ITGAL: variants seen among roughly 807,000 people sequenced by gnomAD.
ITGAL encodes the protein integrin alpha-L.
A neutral mutation model predicts 138.4 loss-of-function variants in ITGAL; 68 were observed. That is an observed-to-expected ratio of 0.49 (90% CI 0.40 to 0.60). The LOEUF is 0.60. Among genes scored for constraint, ITGAL ranks in the 20% least tolerant of loss-of-function variants. The pLI is 0.00. For missense variants in ITGAL, 1,256 were observed against 1,478.6 expected, an observed-to-expected ratio of 0.85 and a Z score of 2.47; for synonymous variants, 561 against 584.3, an observed-to-expected ratio of 0.96 and a Z score of 0.57.
intron 14 of ITGAL, 47 bp downstream of exon 14, chr16:30,496,341 AG>A: frequency 6.2e-7 from 1 of 1,605,504 alleles, no homozygotes; most frequent in East Asian, 2.2e-5. Context: ...AGGTGCCCTA[AG>A]CCCCCAAGCC....
intron 21 of ITGAL, among the ~76,000 whole-genome samples, chr16:30,507,666 A>T (rs2051024531): frequency 6.6e-6 from 1 of 151,426 alleles, no homozygotes; most frequent in Non-Finnish European, 1.5e-5. Flanking sequence ...AAAAAAATTT[A>T]AATAGAGAGA....
Position 30,494,405 on chromosome 16 carries a change from G to A in ITGAL, c.1365+42G>A, listed in dbSNP as rs1436906288. ...GGCATCTGCAGACCAGGGACTGGCG[G>A]GACACACATCACACTCCCTTCTGTC... is the stretch of plus-strand genomic sequence containing the variant. On this transcript the variant is annotated intron_variant, in intron 12 of 30. Transcript: ENST00000356798. The surrounding 1 kb of genome is among the most constrained non-coding windows in gnomAD (Gnocchi z 4.2). 3 of 1,557,698 alleles carry A rather than the reference G, an allele frequency of 1.9e-6. No homozygotes were observed. The highest frequency in any genetic ancestry group is 8.7e-7 in the Non-Finnish European group (1 of 1,144,892).
At chr16:30,513,436 G>A (rs1284916461) in intron 24 of ITGAL, among the ~76,000 whole-genome samples, 1 of 152,190 alleles carries the variant, frequency 6.6e-6, no homozygotes, top group African/African-American at 2.4e-5. Flanking sequence ...GGATGGGTGC[G>A]AGGGGCATCA....
chr16:30,488,927 G>T (rs551902444), intron 9 of ITGAL, 155 bp from the exon 10 acceptor site: 5 of 657,502 alleles, frequency 7.6e-6, no homozygotes, highest in South Asian at 5.2e-5. Context: ...AGCCAACTCC[G>T]CATTAAGCCA....
intron 3 of ITGAL, 37 bp from the exon 4 acceptor site, chr16:30,475,476 C>T: frequency 1.2e-6 from 2 of 1,603,738 alleles, no homozygotes; most frequent in Non-Finnish European, 8.5e-7. Context: ...ACCTAGACTG[C>T]CTGAGCTCCT....
Position 30,498,744 on chromosome 16 carries a change from A to AT in ITGAL, c.1833-327dup, listed in dbSNP as rs536145982. 8.6e-5 allele frequency: 18 copies of AT among 209,686 alleles called. No homozygotes were observed. The South Asian group carries it at 1.8e-3, about 21-fold the overall frequency. The allele number at this position is 209,686 out of a possible 1,614,324, so 13.0% of individuals were successfully genotyped here. On this transcript the variant is annotated intron_variant, in intron 15 of 30. Coordinates refer to ENST00000356798, the MANE Select transcript of ITGAL (RefSeq NM_002209.3). ...GAAGGTCCCTTCTCTACAAAAATTT[A>AT]TTTAAAGTTAGCCAGGTGTGGTGGC... is the stretch of plus-strand genomic sequence containing the variant.
rs1389156593 is a variant in ITGAL, at chr16:30,519,983, G to C, written c.3339+16G>C. On this transcript the variant is annotated intron_variant, in intron 30 of 30. Transcript: ENST00000356798. ...GCTGTACAAGGTGGGTGCCTCCGGG[G>C]GTCACAGGCATTGCTGAGACAGCCA... 3.8e-6 allele frequency: 6 copies of C among 1,566,558 alleles called. No homozygotes were observed. In the East Asian group the frequency reaches 1.3e-4, roughly 35 times the overall value.
At chr16:30,473,438 C>CAACA (rs1022188510) in intron 1 of ITGAL, among the ~76,000 whole-genome samples, 1 of 152,156 alleles carries the variant, frequency 6.6e-6, no homozygotes, top group African/African-American at 2.4e-5. Context: ...GTCTCTTAAA[C>CAACA]AACAAACAAA....
chr16:30,498,981 G>C, intron 15 of ITGAL, 93 bp from the exon 16 acceptor site: 1 of 1,155,814 alleles, frequency 8.7e-7, no homozygotes, highest in Non-Finnish European at 1.3e-6. Flanking sequence ...TAGGGAAGGA[G>C]AGTTCTCTGG....
At position 30,479,155 on chromosome 16, in the gene ITGAL, T is replaced by C. The variant is rs1567463114; in HGVS notation, c.392T>C (p.Leu131Pro). The part of the protein sequence containing the change: ...QNTYLSGLCY[L>P]FRQNLQGPML... ...ACCTATCTGAGTGGCCTGTGTTACC[T>C]CTTCCGCCAGAATCTGCAGGGTCCC... The change falls in exon 5 of 31, where the codon CTC (leucine) becomes CCC (proline). Residue 131 changes from leucine to proline, a missense_variant. Physicochemically the swap from Leu to Pro is moderately conservative, Grantham distance 98. Around this residue, in one of 3 missense-constraint regions of ITGAL, gnomAD observed 212 missense variants for 217.4 expected, o/e 0.98. Transcript: ENST00000356798. 1 of 1,614,160 alleles carries C rather than the reference T, an allele frequency of 6.2e-7. No individual in the cohort carries two copies.
intron 17 of ITGAL, among the ~76,000 whole-genome samples, chr16:30,502,816 AC>A (rs200288037): frequency 0.31 from 46,829 of 149,214 alleles, 9,430 homozygotes; most frequent in East Asian, 0.84. Flanking sequence ...TTTGTTTTAA[AC>A]TTTTTTTTTT....
chr16:30,485,517 C>T (rs1490194853), intron 9 of ITGAL, among the ~76,000 whole-genome samples: 1 of 151,958 alleles, frequency 6.6e-6, no homozygotes, highest in Admixed American at 6.6e-5. Flanking sequence ...CCACTGCGCC[C>T]AGCCTCTTTT....
intron 17 of ITGAL, among the ~76,000 whole-genome samples, chr16:30,500,559 A>T (rs935776296): frequency 4.6e-5 from 7 of 151,322 alleles, no homozygotes; most frequent in Non-Finnish European, 5.9e-5. Context: ...TATTAAAAAA[A>T]TTTTTTTAGA....
intron 18 of ITGAL, 115 bp from the exon 19 acceptor site, chr16:30,505,129 C>G (rs890944037): frequency 6.7e-6 from 7 of 1,042,018 alleles, no homozygotes; most frequent in Non-Finnish European, 9.3e-6. Context: ...CTGGGCAGGG[C>G]CAACCACAGC....
chr16:30,483,960 G>T lies in ITGAL; in HGVS notation c.855+1G>T. 4 of 1,611,236 alleles carry T rather than the reference G, an allele frequency of 2.5e-6. No individual in the cohort carries two copies. The highest frequency in any genetic ancestry group is 2.5e-6 in the Non-Finnish European group (3 of 1,177,662). ...AGACATCATCCGCTACATCATCGGG[G>T]TAGGGCCCCTGCTGCTTCCTGCATC... On this transcript the variant is annotated splice_donor_variant, in intron 8 of 30. Transcript: ENST00000356798. LOFTEE classifies it high-confidence loss of function.
rs766571561 is a variant in ITGAL at position 30,505,240 on chromosome 16, T to C, written c.2236-4T>C. 1 of 1,594,780 alleles carries C rather than the reference T, an allele frequency of 6.3e-7. No individual in the cohort carries two copies. Among genetic ancestry groups the C allele is most frequent in the South Asian group, 1.1e-5 (1 of 90,126 alleles). On this transcript the variant is annotated splice_region_variant and splice_polypyrimidine_tract_variant and intron_variant, in intron 18 of 30. Coordinates refer to ENST00000356798, the MANE Select transcript of ITGAL (RefSeq NM_002209.3). ...CTCCATCCTGCCCACTACCCCTCGC[T>C]CAGCAGGGCAAGGACATACCGCCCA... is the stretch of plus-strand genomic sequence containing the variant.
Position 30,496,186 on chromosome 16 carries a change from C to T in ITGAL, c.1593C>T (p.Ile531=). ...AAGCCATCACTGCTCTGACAGACAT[C>T]AACGGCGATGGGCTGGTAGACGTGG... ...FGEAITALTD[I]NGDGLVDVAV... Residue 531 remains isoleucine, a synonymous_variant, in exon 14 of 31, where the codon ATC becomes ATT. Transcript: ENST00000356798. 2 of 1,614,038 alleles carry T rather than the reference C, an allele frequency of 1.2e-6. No individual in the cohort carries two copies. The highest frequency in any genetic ancestry group is 1.7e-6 in the Non-Finnish European group (2 of 1,179,972).
chr16:30,489,214 T>A (rs2050689926), intron 10 of ITGAL, 40 bp from the exon 11 acceptor site: 1 of 1,613,384 alleles, frequency 6.2e-7, no homozygotes. Flanking sequence ...GGGGGGTGGG[T>A]CGGTGGGTAG....
At chr16:30,508,737 GTAGTCCTGCTACT>G (rs2051043479) in intron 21 of ITGAL, among the ~76,000 whole-genome samples, 1 of 152,088 alleles carries the variant, frequency 6.6e-6, no homozygotes, top group Non-Finnish European at 1.5e-5. Flanking sequence ...GGGTGTGCCT[GTAGTCCTGCTACT>G]CAGGAGGCTG....
Sources: gnomAD v4.1 joint callset for allele counts (sites outside exome capture counted in the v4.1 genomes callset) on GRCh38, gnomAD v4.1.1 for gene constraint, gnomAD v4.1.1 regional missense constraint, Gnocchi (gnomAD v3.1) non-coding constraint, MANE v1.5 for transcripts, NCBI Gene and HGNC (gene_info 2026-07-23, HGNC 2026-07-21) for gene names.